The following FMN2 variants were observed in gnomAD, a reference collection of about 807,000 sequenced individuals.
FMN2 encodes formin 2.
Under a neutral mutation model 142.3 loss-of-function variants are expected in FMN2, and 51 were observed. That is an observed-to-expected ratio of 0.36 (90% confidence interval 0.29 to 0.45). FMN2 has a LOEUF of 0.45. Ranked by LOEUF, FMN2 falls within the 20% of genes least tolerant of loss-of-function variation. The pLI is 1.00. For missense variants in FMN2, 1,936 were observed against 2,122.8 expected (o/e 0.91, Z 1.73); for synonymous variants, 882 against 869.8 (o/e 1.01, Z -0.25).
intron 8 of FMN2, among the ~76,000 whole-genome samples, chr1:240,296,671 G>GT (rs1328706928): frequency 1.4e-5 from 2 of 141,516 alleles, no homozygotes; most frequent in African/African-American, 2.6e-5. Flanking sequence ...TCTTGAGTTT[G>GT]GTTTTTTTTT....
At chr1:240,316,938 T>C (rs1041124723) in intron 8 of FMN2, among the ~76,000 whole-genome samples, 1 of 152,142 alleles carries the variant, frequency 6.6e-6, no homozygotes, top group African/African-American at 2.4e-5. Flanking sequence ...GGTGTGGGCA[T>C]CATGTACACA....
At chr1:240,314,352 G>A (rs879304887) in intron 8 of FMN2, among the ~76,000 whole-genome samples, 1 of 152,076 alleles carries the variant, frequency 6.6e-6, no homozygotes, top group Non-Finnish European at 1.5e-5. Context: ...GAGAAAGGGA[G>A]GGTTGCTGTA....
chr1:240,116,974 T>A (rs1394872647), intron 1 of FMN2, among the ~76,000 whole-genome samples: 2 of 151,752 alleles, frequency 1.3e-5, no homozygotes, highest in African/African-American at 4.8e-5. Flanking sequence ...GGATTTGTTC[T>A]TTCGGTTTTT....
At chr1:240,336,685 G>T (rs1352354936) in intron 13 of FMN2, among the ~76,000 whole-genome samples, 1 of 151,930 alleles carries the variant, frequency 6.6e-6, no homozygotes, top group Non-Finnish European at 1.5e-5. Context: ...TGCAAGGCTG[G>T]TGTACTGTGT....
chr1:240,142,686 T>A, intron 2 of FMN2: 2 of 1,610,832 alleles, frequency 1.2e-6, no homozygotes. Context: ...ATAATTGGGG[T>A]TCTTCCGAAG....
At chr1:240,467,306 A>G (rs1186349222) in intron 16 of FMN2, among the ~76,000 whole-genome samples, 1 of 146,204 alleles carries the variant, frequency 6.8e-6, no homozygotes, top group Non-Finnish European at 1.5e-5. Context: ...ACAGAGTCTC[A>G]CTCTATTGCC....
intron 6 of FMN2, among the ~76,000 whole-genome samples, chr1:240,212,987 G>A (rs1236228479): frequency 6.6e-6 from 1 of 152,026 alleles, no homozygotes; most frequent in African/African-American, 2.4e-5. Context: ...TTGGCTAAGG[G>A]AATACAGATA....
intron 15 of FMN2, among the ~76,000 whole-genome samples, chr1:240,406,106 G>T (rs1432661138): frequency 2.0e-5 from 2 of 100,698 alleles, no homozygotes; most frequent in African/African-American, 9.2e-5. Flanking sequence ...CCTCGGGAGT[G>T]GGGGAAGCGA....
intron 16 of FMN2, among the ~76,000 whole-genome samples, chr1:240,452,999 T>A (rs554322668): frequency 9.9e-5 from 15 of 152,272 alleles, no homozygotes; most frequent in African/African-American, 3.6e-4. Context: ...TTGATGTATA[T>A]CTCTGAGAGC....
chr1:240,173,070 G>C (rs372349393), intron 2 of FMN2, among the ~76,000 whole-genome samples: 57 of 152,090 alleles, frequency 3.7e-4, no homozygotes, highest in African/African-American at 1.3e-3. Context: ...CGAGTAGCTG[G>C]GACTACAGGC....
intron 5 of FMN2, 37 bp downstream of exon 5, chr1:240,208,769 G>A: frequency 6.4e-7 from 1 of 1,565,772 alleles, no homozygotes; most frequent in African/African-American, 1.4e-5. Flanking sequence ...CACAGTGTGT[G>A]TCAGTATTAG....
chr1:240,232,656 A>G (rs1667567262), intron 6 of FMN2, among the ~76,000 whole-genome samples: 1 of 152,178 alleles, frequency 6.6e-6, no homozygotes, highest in Admixed American at 6.5e-5. Flanking sequence ...AATCTATAAC[A>G]TATGACTCAT....
chr1:240,442,259 C>T (rs779576899), intron 16 of FMN2, among the ~76,000 whole-genome samples: 8 of 152,204 alleles, frequency 5.3e-5, no homozygotes, highest in Non-Finnish European at 8.8e-5. Flanking sequence ...CTTATATTCT[C>T]ATAACCCAGG....
chr1:240,172,945 G>GT (rs953461857), intron 2 of FMN2, among the ~76,000 whole-genome samples: 18 of 148,552 alleles, frequency 1.2e-4, no homozygotes, highest in East Asian at 1.0e-3. Context: ...TTTGTTTTTT[G>GT]TTTTTTTTTA....
At chr1:240,281,087 A>G (rs968771595) in intron 7 of FMN2, among the ~76,000 whole-genome samples, 3 of 152,174 alleles carry the variant, frequency 2.0e-5, no homozygotes, top group Non-Finnish European at 4.4e-5. Context: ...TACAGCTCTT[A>G]TAAACAAGGC....
At chr1:240,094,378 T>G (rs1358333556) in intron 1 of FMN2, among the ~76,000 whole-genome samples, 1 of 152,210 alleles carries the variant, frequency 6.6e-6, no homozygotes, top group Non-Finnish European at 1.5e-5. Flanking sequence ...GTAGGGATAA[T>G]TTTCATTCAG....
At chr1:240,333,166 G>T (rs1671436359) in intron 11 of FMN2, among the ~76,000 whole-genome samples, 1 of 151,998 alleles carries the variant, frequency 6.6e-6, no homozygotes, top group Non-Finnish European at 1.5e-5. Context: ...TACAAAAAAA[G>T]AGTAAAATAA....
chr1:240,433,546 G>A (rs962342444), intron 15 of FMN2, among the ~76,000 whole-genome samples: 4 of 152,158 alleles, frequency 2.6e-5, no homozygotes, highest in Non-Finnish European at 4.4e-5. Flanking sequence ...AGCCCTAAAA[G>A]GGAGTTTTCT....
chr1:240,402,994 T>A (rs555586516), intron 15 of FMN2, among the ~76,000 whole-genome samples: 1 of 152,362 alleles, frequency 6.6e-6, no homozygotes, highest in African/African-American at 2.4e-5. Flanking sequence ...AAACACAGTT[T>A]GTTCCAGCTA....
Sources: allele counts gnomAD v4.1 joint callset (sites outside exome capture counted in the v4.1 genomes callset), GRCh38; gene constraint gnomAD v4.1.1; transcripts MANE v1.5; gene names NCBI Gene and HGNC (gene_info 2026-07-23, HGNC 2026-07-21).